The following CDH15 variants were observed in gnomAD, a reference collection of about 807,000 sequenced individuals.
CDH15 encodes cadherin-15.
Under a neutral mutation model 69.4 loss-of-function variants are expected in CDH15, and 73 were observed. The observed-to-expected ratio is 1.05, with a 90% CI of 0.87 to 1.28. CDH15 has a LOEUF of 1.28. Among genes scored for constraint, CDH15 ranks in the 50% most tolerant of loss-of-function variants. The pLI, the probability that CDH15 is intolerant of heterozygous loss-of-function variation, is 0.00. For missense variants in CDH15, 1,343 were observed against 1,133.6 expected (o/e 1.18, Z -2.65); for synonymous variants, 624 against 507.7 (o/e 1.23, Z -3.08).
rs2151604180 is a variant in CDH15, at chr16:89,191,765, C to T, written c.1486C>T (p.His496Tyr). ...GCCGGGCAGCCTGTGCAGCGAGCCA[C>T]ACCAAGGCCCAGGCCTCCTCCTGGG... ...PPPGSLCSEPHQGPGLLLGAT... is the reference protein window; with the variant it reads ...PPPGSLCSEPYQGPGLLLGAT... Residue 496 changes from histidine (H) to tyrosine (Y), a missense_variant, in exon 10 of 14, where the codon CAC becomes TAC. Physicochemically the swap from His to Tyr is moderately conservative, Grantham distance 83 (BLOSUM62 2). Coordinates refer to ENST00000289746, the MANE Select transcript of CDH15 (RefSeq NM_004933.3). 1 of 1,606,666 alleles carries T rather than the reference C, an allele frequency of 6.2e-7. No individual in the cohort carries two copies. Among genetic ancestry groups the T allele is most frequent in the Non-Finnish European group, 8.5e-7 (1 of 1,179,590 alleles).
intron 5 of CDH15, among the ~76,000 whole-genome samples, chr16:89,186,536 A>G (rs1470094529): frequency 7.4e-6 from 1 of 135,558 alleles, no homozygotes; most frequent in African/African-American, 2.8e-5. Flanking sequence ...GTGCTCTGTA[A>G]ACGCTTACCC....
chr16:89,193,817 G>T lies in CDH15; in HGVS notation c.2055G>T (p.Pro685=). ...PTALSLPLGP[P]PLRRDAPQGR... ...CGCTGAGCCTGCCTCTGGGACCGCCGCCACTTCGCAGAGATGCCCCGCAGG... is the reference window on the plus strand; with the variant it reads ...CGCTGAGCCTGCCTCTGGGACCGCCTCCACTTCGCAGAGATGCCCCGCAGG... Residue 685 remains proline (P), a synonymous_variant, in exon 13 of 14, where the codon CCG becomes CCT. Transcript: ENST00000289746. 1 of 1,609,360 alleles carries T rather than the reference G, an allele frequency of 6.2e-7. No homozygotes were observed. The highest frequency in any genetic ancestry group is 1.1e-5 in the South Asian group (1 of 90,962).
intron 7 of CDH15, among the ~76,000 whole-genome samples, chr16:89,189,695 C>T (rs1410970041): frequency 6.6e-6 from 1 of 152,240 alleles, no homozygotes; most frequent in Admixed American, 6.5e-5. Context: ...AGAAAGAGGC[C>T]ATAGGAGACA....
intron 1 of CDH15, among the ~76,000 whole-genome samples, chr16:89,172,732 G>A (rs1915183058): frequency 6.6e-6 from 1 of 152,216 alleles, no homozygotes; most frequent in Non-Finnish European, 1.5e-5. Context: ...CATGGAGGAT[G>A]TGGCCTCAGT....
chr16:89,193,969 C>T (rs1567777937), intron 13 of CDH15, 56 bp downstream of exon 13: 7 of 1,565,038 alleles, frequency 4.5e-6, no homozygotes, highest in Non-Finnish European at 6.1e-6. Context: ...TGCACACACA[C>T]ATGCACATGT....
chr16:89,187,155 C>T (rs1290632794), intron 5 of CDH15, among the ~76,000 whole-genome samples: 4 of 151,718 alleles, frequency 2.6e-5, no homozygotes, highest in Non-Finnish European at 5.9e-5. Context: ...TCTGTAAACG[C>T]TTACCCAGCG....
At chr16:89,184,223 A>C (rs1915433886) in intron 4 of CDH15, among the ~76,000 whole-genome samples, 2 of 152,134 alleles carry the variant, frequency 1.3e-5, no homozygotes, top group Non-Finnish European at 2.9e-5. Flanking sequence ...ATCCCGCCTC[A>C]GTTTCCTTCC....
intron 5 of CDH15, chr16:89,186,250 AGT>A (rs1915484049): frequency 1.1e-5 from 1 of 89,372 alleles, no homozygotes; most frequent in Non-Finnish European, 2.4e-5. Context: ...ACGCTCACCC[AGT>A]GCACAGTAGG....
Position 89,183,560 on chromosome 16 carries a change from G to A in CDH15, c.370G>A (p.Ala124Thr). The change falls in exon 4 of 14, where the codon GCC (alanine) becomes ACC (threonine). Residue 124 changes from alanine (A) to threonine (T), a missense_variant. Ala to Thr is a moderately conservative substitution (Grantham distance 58, BLOSUM62 0). Coordinates refer to ENST00000289746, the MANE Select transcript of CDH15 (RefSeq NM_004933.3). ...KTDRFRLRAF[A>T]LDLGGSTLED... The stretch of plus-strand genomic sequence containing the variant: ...TATGTTTGAACAGCTAAGAGCGTTT[G>A]CCCTGGACCTGGGAGGATCCACCCT... The A allele has an allele frequency of 6.2e-7, 1 of 1,614,142 alleles. No individual in the cohort carries two copies. Among genetic ancestry groups the A allele is most frequent in the Non-Finnish European group, 8.5e-7 (1 of 1,180,040 alleles).
intron 8 of CDH15, 127 bp from the exon 9 acceptor site, chr16:89,191,203 T>A (rs878986500): frequency 2.0e-6 from 2 of 1,008,838 alleles, no homozygotes; most frequent in Non-Finnish European, 3.1e-6. Context: ...TGTGTGCATG[T>A]GTGCATGCAT....
chr16:89,178,035 A>G (rs535400322), intron 1 of CDH15, among the ~76,000 whole-genome samples: 2 of 152,320 alleles, frequency 1.3e-5, no homozygotes, highest in Admixed American at 6.5e-5. Flanking sequence ...CGGTGACCGC[A>G]TTTTTAAAAC....
At chr16:89,189,079 GCCCACACACAGA>G (rs1915573286) in intron 7 of CDH15, among the ~76,000 whole-genome samples, 1 of 134,382 alleles carries the variant, frequency 7.4e-6, no homozygotes, top group South Asian at 2.5e-4. Flanking sequence ...ACACACAGAT[GCCCACACACAGA>G]TGCCCACACA....
intron 5 of CDH15, among the ~76,000 whole-genome samples, chr16:89,186,490 T>A (rs1182273552): frequency 8.3e-5 from 11 of 132,616 alleles, no homozygotes; most frequent in African/African-American, 1.2e-4. Flanking sequence ...CAGCGCACAG[T>A]AGGTGCTCTG....
intron 10 of CDH15, 89 bp from the exon 11 acceptor site, chr16:89,192,116 G>T: frequency 7.0e-7 from 1 of 1,437,862 alleles, no homozygotes; most frequent in South Asian, 1.4e-5. Flanking sequence ...CCAGGATCTC[G>T]GGATCCCCAC....
chr16:89,193,370 C>A, intron 11 of CDH15, 100 bp from the exon 12 acceptor site: 3 of 706,444 alleles, frequency 4.2e-6, no homozygotes, highest in South Asian at 1.8e-5. Flanking sequence ...TGCTTACCAG[C>A]CTTGCCCCGC....
In CDH15 at chr16:89,179,538, C is replaced by T. The variant is rs533141968; in HGVS notation, c.165C>T (p.Ser55=). 3.2e-5 allele frequency: 52 copies of T among 1,610,308 alleles called. No individual in the cohort carries two copies. The highest frequency in any genetic ancestry group is 4.1e-5 in the Non-Finnish European group (48 of 1,177,980). ...RAWVIPPISV[S]ENHKRLPYPL... ...GGGTCATCCCCCCGATCAGCGTATC[C>T]GAGAACCACAAGCGTCTCCCCTACC... is the stretch of plus-strand genomic sequence containing the variant. Residue 55 remains serine, a synonymous_variant, in exon 2 of 14, where the codon TCC becomes TCT. Transcript: ENST00000289746.
intron 1 of CDH15, among the ~76,000 whole-genome samples, chr16:89,176,130 C>A (rs1915250542): frequency 6.6e-6 from 1 of 152,258 alleles, no homozygotes; most frequent in Admixed American, 6.5e-5. Flanking sequence ...GCCTGACAGG[C>A]TTCCTGGCCA....
At chr16:89,185,098 C>T in intron 4 of CDH15, 75 bp from the exon 5 acceptor site, 3 of 1,398,076 alleles carry the variant, frequency 2.1e-6, no homozygotes, top group South Asian at 2.5e-5. Context: ...CACGAGGTGC[C>T]CCCACGCCCC....
intron 3 of CDH15, among the ~76,000 whole-genome samples, chr16:89,181,009 G>A (rs1236938128): frequency 2.4e-4 from 31 of 131,608 alleles, no homozygotes; most frequent in Middle Eastern, 3.9e-3. Context: ...TCACTCTACC[G>A]CCCAGGCTGG....
Sources: gnomAD v4.1 joint callset for allele counts (sites outside exome capture counted in the v4.1 genomes callset) on GRCh38, gnomAD v4.1.1 for gene constraint, MANE v1.5 for transcripts, NCBI Gene and HGNC (gene_info 2026-07-23, HGNC 2026-07-21) for gene names.